Variants in TRIP12 observed in about 807,000 individuals in gnomAD.
TRIP12 encodes the protein E3 ubiquitin-protein ligase TRIP12.
A neutral mutation model predicts 244.2 loss-of-function variants in TRIP12; 25 were observed. That is an observed-to-expected ratio of 0.10 (90% CI 0.07 to 0.14). The LOEUF (loss-of-function observed/expected upper bound fraction) is 0.14, where lower values mean the gene tolerates loss of function less well. TRIP12 is among the 10% of genes least tolerant of loss of function. The probability of loss-of-function intolerance (pLI) is 1.00; values close to 1 mark genes in which losing one functional copy is unlikely to be tolerated. For synonymous variants in TRIP12, 905 were observed against 873.1 expected, an observed-to-expected ratio of 1.04 and a Z score of -0.64; for missense variants, 1,677 against 2,486.4, an observed-to-expected ratio of 0.67 and a Z score of 6.92.
chr2:229,852,188 C>T (rs1477529685), intron 4 of TRIP12, among the ~76,000 whole-genome samples: 1 of 152,170 alleles, frequency 6.6e-6, no homozygotes, highest in Non-Finnish European at 1.5e-5. Context: ...TAATAACGTG[C>T]ACATGATGTC....
At chr2:229,865,821 G>A (rs78488170) in intron 2 of TRIP12, among the ~76,000 whole-genome samples, 6,473 of 152,180 alleles carry the variant, frequency 0.043, 467 homozygotes, top group African/African-American at 0.15. Context: ...AATGTTCCCT[G>A]TAAAACGCAC....
chr2:229,805,987 A>ACCATCTAAAACCTGTTGAAAT, intron 17 of TRIP12, 104 bp from the exon 18 acceptor site: 1 of 963,022 alleles, frequency 1.0e-6, no homozygotes, highest in Non-Finnish European at 1.4e-6. Context: ...TATTTATTTC[A>ACCATCTAAAACCTGTTGAAAT]ACAGGTTTTA....
At chr2:229,857,290 A>T (rs765797689) in intron 4 of TRIP12, among the ~76,000 whole-genome samples, 4 of 152,186 alleles carry the variant, frequency 2.6e-5, no homozygotes, top group South Asian at 2.1e-4. Flanking sequence ...AATTGTAGAG[A>T]TAAGTGCTTT....
intron 4 of TRIP12, among the ~76,000 whole-genome samples, chr2:229,846,459 A>G (rs1482586797): frequency 6.6e-6 from 1 of 152,134 alleles, no homozygotes; most frequent in African/African-American, 2.4e-5. Context: ...AGCCATGTAC[A>G]TTGTTTTTTT....
At chr2:229,830,247 G>A (rs553983356) in intron 7 of TRIP12, among the ~76,000 whole-genome samples, 5 of 152,078 alleles carry the variant, frequency 3.3e-5, no homozygotes, top group African/African-American at 9.6e-5. Context: ...ATGGCCAAAC[G>A]CCTTATTAAA....
rs1278673308 is a variant in TRIP12 at position 229,764,278 on chromosome 2, C to T, written c.*3276G>A. ...CCTTTACCGTGTATGTCAACTACTG[C>T]AATGTCAAACCTAAGACTTATACAA... On this transcript the variant is annotated 3_prime_UTR_variant, in exon 42 of 42. Transcript: ENST00000675903. The T allele has an allele frequency of 1.3e-5, 2 of 152,088 alleles. No homozygotes were observed. The highest frequency in any genetic ancestry group is 2.4e-5 in the African/African-American group (1 of 41,414). 9.4% of individuals were successfully genotyped at this position (152,088 alleles called of 1,614,324 possible).
At chr2:229,814,171 A>T in intron 12 of TRIP12, 62 bp downstream of exon 12, 1 of 1,583,522 alleles carries the variant, frequency 6.3e-7, no homozygotes, top group South Asian at 1.1e-5. Context: ...AGCCTGTACA[A>T]ATGTGGATTT....
Position 229,814,044 on chromosome 2 carries a change from A to G in TRIP12, c.1825-13T>C. ...CTGCCAAACCACCCTAAAATATAGA[A>G]AACTGTTAAGGTAAAGAAAAATCCT... On this transcript the variant is annotated splice_polypyrimidine_tract_variant and intron_variant, in intron 12 of 41. Coordinates refer to ENST00000675903, the MANE Select transcript of TRIP12 (RefSeq NM_001348323.3). The G allele has an allele frequency of 6.4e-7, 1 of 1,564,960 alleles. No individual in the cohort carries two copies. The highest frequency in any genetic ancestry group is 8.7e-7 in the Non-Finnish European group (1 of 1,145,402).
Position 229,791,970 on chromosome 2 carries a change from T to C in TRIP12, c.4311A>G (p.Ala1437=). The part of the protein sequence containing the change: ...LLPYNMTVYQ[A]VRQFSIQAED... ...CAGCCTGTATACTAAACTGCCGTAC[T>C]GCCTGATACACAGTCATGTTATACG... is the stretch of plus-strand genomic sequence containing the variant. The change falls in exon 29 of 42, where the codon GCA becomes GCG. Residue 1437 remains alanine, a synonymous_variant. Coordinates refer to ENST00000675903, the MANE Select transcript of TRIP12 (RefSeq NM_001348323.3). The C allele has an allele frequency of 6.2e-7, 1 of 1,614,206 alleles. No individual in the cohort carries two copies. The highest frequency in any genetic ancestry group is 1.3e-5 in the African/African-American group (1 of 75,066).
chr2:229,904,722 A>G (rs2072185536), intron 1 of TRIP12, among the ~76,000 whole-genome samples: 1 of 152,202 alleles, frequency 6.6e-6, no homozygotes, highest in African/African-American at 2.4e-5. Flanking sequence ...AAATGCCTCA[A>G]AAAGCATAAG....
rs1191667111 is a variant in TRIP12 at position 229,846,671 on chromosome 2, A to AT, written c.1028-5745dup. On this transcript the variant is annotated intron_variant, in intron 4 of 41. Coordinates refer to ENST00000675903, the MANE Select transcript of TRIP12 (RefSeq NM_001348323.3). ...TTAATGGTTACTTTGGTAAAAATAA[A>AT]TTTAAAAAAATGAAAAGTAATCTAT... is the stretch of plus-strand genomic sequence containing the variant. 8.0e-5 allele frequency among the ~76,000 whole-genome samples: 7 copies of AT among 87,824 alleles called. 1 individual carries two copies. In the South Asian group the frequency reaches 1.3e-3, roughly 16 times the overall value. The allele number at this position is 87,824 out of a possible 152,430, so 57.6% of individuals were successfully genotyped here.
At chr2:229,915,893 C>T (rs1365022058) in intron 1 of TRIP12, among the ~76,000 whole-genome samples, 3 of 152,132 alleles carry the variant, frequency 2.0e-5, no homozygotes. Flanking sequence ...AAGGTCTCTA[C>T]TAAGTTGCTC....
At chr2:229,777,848 C>T (rs1371945265) in intron 36 of TRIP12, among the ~76,000 whole-genome samples, 1 of 152,156 alleles carries the variant, frequency 6.6e-6, no homozygotes, top group Non-Finnish European at 1.5e-5. Flanking sequence ...ATGTCTTAAA[C>T]ATACTGATAA....
chr2:229,900,328 GT>G (rs1364125886), intron 1 of TRIP12, among the ~76,000 whole-genome samples: 1 of 152,196 alleles, frequency 6.6e-6, no homozygotes, highest in Non-Finnish European at 1.5e-5. Context: ...CCTGCTTGAA[GT>G]GACACTATCA....
Position 229,854,889 on chromosome 2 carries a change from C to T in TRIP12, c.1027+3883G>A, listed in dbSNP as rs570613374. On this transcript the variant is annotated intron_variant, in intron 4 of 41. Coordinates refer to ENST00000675903, the MANE Select transcript of TRIP12 (RefSeq NM_001348323.3). ...CCTGGGTTTTAACTCGGCTTTGTCA[C>T]TTCTTAGTTCTGTGACCTTAGACAG... is the stretch of plus-strand genomic sequence containing the variant. Among the ~76,000 whole-genome samples, 3 of 152,306 alleles carry T rather than the reference C, an allele frequency of 2.0e-5. No homozygotes were observed. The South Asian group carries it at 6.2e-4, about 32-fold the overall frequency.
intron 38 of TRIP12, among the ~76,000 whole-genome samples, chr2:229,771,973 T>C (rs2154235093): frequency 6.6e-6 from 1 of 152,366 alleles, no homozygotes; most frequent in East Asian, 1.9e-4. Flanking sequence ...TAAAATGTTA[T>C]TGAGAATTAA....
chr2:229,872,305 T>G (rs560005473), intron 2 of TRIP12, among the ~76,000 whole-genome samples: 1 of 152,226 alleles, frequency 6.6e-6, no homozygotes, highest in South Asian at 2.1e-4. Context: ...GGCTCATGCC[T>G]GTAATCCCAG....
Position 229,777,486 on chromosome 2 carries a change from T to G in TRIP12, c.5365-7A>C. The G allele has an allele frequency of 6.2e-7, 1 of 1,613,556 alleles. No individual in the cohort carries two copies. The highest frequency in any genetic ancestry group is 8.5e-7 in the Non-Finnish European group (1 of 1,179,608). Reference sequence around the variant, plus strand: ...AGCCAAGGGGAAGGTCCACCTGAAATGGAATATGCATAATATTTTCACTGT... The same window carrying G: ...AGCCAAGGGGAAGGTCCACCTGAAAGGGAATATGCATAATATTTTCACTGT... On this transcript the variant is annotated splice_polypyrimidine_tract_variant and splice_region_variant and intron_variant, in intron 36 of 41. Coordinates refer to ENST00000675903, the MANE Select transcript of TRIP12 (RefSeq NM_001348323.3).
chr2:229,805,072 GT>G (rs1405080982), intron 18 of TRIP12, among the ~76,000 whole-genome samples: 3 of 151,858 alleles, frequency 2.0e-5, no homozygotes, highest in Non-Finnish European at 4.4e-5. Context: ...CGCTCGGCTA[GT>G]TTTTTGTATT....
Sources: allele counts gnomAD v4.1 joint callset (sites outside exome capture counted in the v4.1 genomes callset), GRCh38; gene constraint gnomAD v4.1.1; transcripts MANE v1.5; gene names NCBI Gene and HGNC (gene_info 2026-07-23, HGNC 2026-07-21).